Variants in PRKCG observed in about 807,000 individuals in gnomAD.
PRKCG encodes protein kinase C gamma type.
A neutral mutation model predicts 82.0 loss-of-function variants in PRKCG; 28 were observed. The observed-to-expected ratio is 0.34, with a 90% CI of 0.25 to 0.47. The LOEUF is 0.47. Ranked by LOEUF, PRKCG falls within the 20% of genes least tolerant of loss-of-function variation. PRKCG has a pLI of 1.00. For synonymous variants in PRKCG, 383 were observed against 376.6 expected (o/e 1.02, Z -0.20); for missense variants, 640 against 952.7 (o/e 0.67, Z 4.32).
chr19:53,907,004 C>T lies in PRKCG; in HGVS notation c.*109C>T. On this transcript the variant is annotated 3_prime_UTR_variant, in exon 18 of 18. Coordinates refer to ENST00000263431, the MANE Select transcript of PRKCG (RefSeq NM_002739.5). ...CCTGTCCCATTCTAGATCCTGCACC[C>T]CAGCATTCCAGCTCTGCCCCCGCGG... 1 of 1,557,176 alleles carries T rather than the reference C, an allele frequency of 6.4e-7. No individual in the cohort carries two copies.
In PRKCG at chr19:53,882,353, C is replaced by A; in HGVS notation, c.-142C>A. On this transcript the variant is annotated 5_prime_UTR_variant, in exon 1 of 18. Transcript: ENST00000263431. This position sits in a 1 kb window ranked among gnomAD's most constrained non-coding sequence, Gnocchi z 6.1. The stretch of plus-strand genomic sequence containing the variant: ...CGCTCCCTGCCTGGCGCGCTCCGCA[C>A]CTGGAGGTGCCTTGCCCCTCTCCTG... The A allele has an allele frequency of 1.6e-6, 2 of 1,270,680 alleles. No individual in the cohort carries two copies. The highest frequency in any genetic ancestry group is 2.2e-6 in the Non-Finnish European group (2 of 913,824). The allele number at this position is 1,270,680 out of a possible 1,614,324, so 78.7% of individuals were successfully genotyped here. A position where few individuals can be genotyped will look rare whatever the true frequency, so the allele number is the denominator to read the frequency against.
intron 11 of PRKCG, among the ~76,000 whole-genome samples, chr19:53,899,647 C>T (rs111644065): frequency 0.015 from 2,214 of 151,618 alleles, 61 homozygotes; most frequent in African/African-American, 0.05. Flanking sequence ...AGTGCAATGG[C>T]GCGATCTCGG....
chr19:53,886,087 T>G (rs1313850874), intron 3 of PRKCG, among the ~76,000 whole-genome samples: 1 of 150,166 alleles, frequency 6.7e-6, no homozygotes, highest in Admixed American at 6.7e-5. Context: ...GATTTTTTTT[T>G]GTTTTTGTTG....
chr19:53,888,509 C>G (rs1191490800), intron 3 of PRKCG, among the ~76,000 whole-genome samples: 1 of 152,074 alleles, frequency 6.6e-6, no homozygotes, highest in East Asian at 1.9e-4. Context: ...GATGCTGAGG[C>G]TCAAAACTGG....
At position 53,898,520 on chromosome 19, in the gene PRKCG, C is replaced by A; in HGVS notation, c.1173C>A (p.Asp391Glu). The A allele has an allele frequency of 6.2e-7, 1 of 1,613,870 alleles. No individual in the cohort carries two copies. The highest frequency in any genetic ancestry group is 8.5e-7 in the Non-Finnish European group (1 of 1,180,018). Residue 391 changes from aspartate (D) to glutamate (E), a missense_variant, in exon 11 of 18, where the codon GAC becomes GAA. Asp to Glu is a conservative substitution (Grantham distance 45). This residue lies in a region of PRKCG where 22 missense variants were observed against 59.0 expected (regional missense o/e 0.37). Coordinates refer to ENST00000263431, the MANE Select transcript of PRKCG (RefSeq NM_002739.5). The part of the protein sequence containing the change: ...ILKKDVIVQD[D>E]DVDCTLVEKR... Reference sequence around the variant, plus strand: ...AAAAGGACGTGATCGTCCAGGACGACGATGTGGACTGCACGCTGGTGGAGA... The same window carrying A: ...AAAAGGACGTGATCGTCCAGGACGAAGATGTGGACTGCACGCTGGTGGAGA...
intron 8 of PRKCG, 70 bp from the exon 9 acceptor site, chr19:53,893,292 C>T (rs972792668): frequency 1.3e-6 from 2 of 1,505,078 alleles, no homozygotes; most frequent in Non-Finnish European, 9.2e-7. Context: ...TACTAGGGGC[C>T]ACCAGCCCCT....
At position 53,889,171 on chromosome 19, in the gene PRKCG, C is replaced by T. The variant is rs899479554; in HGVS notation, c.286-467C>T. Among the ~76,000 whole-genome samples, 2 of 151,982 alleles carry T rather than the reference C, an allele frequency of 1.3e-5. No individual in the cohort carries two copies. Among genetic ancestry groups the T allele is most frequent in the Non-Finnish European group, 2.9e-5 (2 of 68,000 alleles). On this transcript the variant is annotated intron_variant, in intron 3 of 17. Transcript: ENST00000263431. This position sits in a 1 kb window ranked among gnomAD's most constrained non-coding sequence, Gnocchi z 4.4. ...TTTTGCCATGTTGCCTAGCCTGGTC[C>T]GGAACTCCTGAGCTCAAGGCAATCC...
chr19:53,902,132 G>T (rs547125163), intron 14 of PRKCG, among the ~76,000 whole-genome samples: 1 of 152,060 alleles, frequency 6.6e-6, no homozygotes, highest in African/African-American at 2.4e-5. Flanking sequence ...TGAAAACTGA[G>T]GCCAGACATG....
chr19:53,904,040 C>T (rs1049198880), intron 15 of PRKCG, among the ~76,000 whole-genome samples: 4 of 152,006 alleles, frequency 2.6e-5, no homozygotes, highest in Non-Finnish European at 4.4e-5. Context: ...ATAATGAAGC[C>T]ACAAGCACTG....
chr19:53,904,583 G>A (rs963112680), intron 15 of PRKCG, 52 bp from the exon 16 acceptor site: 1 of 1,534,204 alleles, frequency 6.5e-7, no homozygotes, highest in Non-Finnish European at 8.9e-7. Context: ...GGAAGGTTTG[G>A]GGAAAGGCAG....
rs752281737 is a variant in PRKCG at position 53,889,995 on chromosome 19, A to G, written c.507A>G (p.Thr169=). The stretch of plus-strand genomic sequence containing the variant: ...TGCAGCTGGAGATCCGGGCTCCCAC[A>G]GCAGATGAGATCCACGTAACTGGTG... ...GRLQLEIRAP[T]ADEIHVTVGE... The change falls in exon 5 of 18, where the codon ACA becomes ACG. Residue 169 remains threonine, a synonymous_variant. Transcript: ENST00000263431. The surrounding 1 kb of genome is among the most constrained non-coding windows in gnomAD (Gnocchi z 4.4). The G allele has an allele frequency of 1.9e-5, 30 of 1,567,750 alleles. No homozygotes were observed. In the East Asian group the frequency reaches 5.7e-4, roughly 30 times the overall value.
Position 53,900,814 on chromosome 19 carries a change from A to G in PRKCG, c.1575+65A>G. ...CCTTAGAGGGTGTAGCTGATGGTCC[A>G]GTATTCACCACGGGTGAGGCCTGAC... is the stretch of plus-strand genomic sequence containing the variant. On this transcript the variant is annotated intron_variant, in intron 14 of 17. Coordinates refer to ENST00000263431, the MANE Select transcript of PRKCG (RefSeq NM_002739.5). The surrounding 1 kb of genome is among the most constrained non-coding windows in gnomAD (Gnocchi z 4.2). The G allele has an allele frequency of 3.1e-6, 5 of 1,610,360 alleles. No homozygotes were observed. The highest frequency in any genetic ancestry group is 4.2e-6 in the Non-Finnish European group (5 of 1,178,450).
intron 3 of PRKCG, among the ~76,000 whole-genome samples, chr19:53,886,572 T>TA (rs969578755): frequency 6.6e-5 from 10 of 151,198 alleles, no homozygotes; most frequent in South Asian, 2.1e-4. Flanking sequence ...CCTAGCTAAT[T>TA]AAAAAAAAAT....
chr19:53,892,856 T>C lies in PRKCG; in HGVS notation c.822-132T>C. ...CTCCCTTTCTCCCTCTCCCTCTCTT[T>C]TTATCTCACTCTTTCTCTCTTCCAT... On this transcript the variant is annotated intron_variant, in intron 7 of 17. Coordinates refer to ENST00000263431, the MANE Select transcript of PRKCG (RefSeq NM_002739.5). The surrounding 1 kb of genome is among the most constrained non-coding windows in gnomAD (Gnocchi z 5.9). 9.3e-7 allele frequency: 1 copy of C among 1,081,026 alleles called. No individual in the cohort carries two copies. The highest frequency in any genetic ancestry group is 2.6e-5 in the East Asian group (1 of 38,950). The allele number at this position is 1,081,026 out of a possible 1,614,324, so 67.0% of individuals were successfully genotyped here. A position where few individuals can be genotyped will look rare whatever the true frequency, so the allele number is the denominator to read the frequency against.
At chr19:53,897,368 A>G (rs969473665) in intron 9 of PRKCG, among the ~76,000 whole-genome samples, 12 of 152,108 alleles carry the variant, frequency 7.9e-5, no homozygotes, top group Non-Finnish European at 1.6e-4. Context: ...GAGGCAGGAA[A>G]AGGTAGAGAA....
rs933523628 is a variant in PRKCG, at chr19:53,900,931, G to A, written c.1575+182G>A. On this transcript the variant is annotated intron_variant, in intron 14 of 17. Transcript: ENST00000263431. The surrounding 1 kb of genome is among the most constrained non-coding windows in gnomAD (Gnocchi z 4.2). The stretch of plus-strand genomic sequence containing the variant: ...GTGAGCTTGGCACTGAGCCTGCCAG[G>A]TGGGCCCAGCTGGGTCTCTAAATAG... Among the ~76,000 whole-genome samples, 8 of 152,232 alleles carry A rather than the reference G, an allele frequency of 5.3e-5. No individual in the cohort carries two copies. Among genetic ancestry groups the A allele is most frequent in the African/African-American group, 1.9e-4 (8 of 41,470 alleles).
rs764043533 is a variant in PRKCG at position 53,906,310 on chromosome 19, C to A, written c.1765-7C>A. Reference sequence around the variant, plus strand: ...TGTCTGTCTGTCTCTCTCTGTGTTTCCCACAGTTCCTGACCAAGCACCCAG... The same window carrying A: ...TGTCTGTCTGTCTCTCTCTGTGTTTACCACAGTTCCTGACCAAGCACCCAG... On this transcript the variant is annotated splice_region_variant and splice_polypyrimidine_tract_variant and intron_variant, in intron 16 of 17. Coordinates refer to ENST00000263431, the MANE Select transcript of PRKCG (RefSeq NM_002739.5). 4 of 1,551,262 alleles carry A rather than the reference C, an allele frequency of 2.6e-6. No homozygotes were observed. In the Admixed American group the frequency reaches 7.8e-5, roughly 30 times the overall value.
intron 9 of PRKCG, among the ~76,000 whole-genome samples, chr19:53,895,826 A>G (rs1358557736): frequency 6.6e-6 from 1 of 151,992 alleles, no homozygotes; most frequent in Non-Finnish European, 1.5e-5. Flanking sequence ...TTGGGAGGCC[A>G]AGGCGGGTGG....
At position 53,883,843 on chromosome 19, in the gene PRKCG, C is replaced by T. The variant is rs1033367331; in HGVS notation, c.203-318C>T. 6.6e-6 allele frequency among the ~76,000 whole-genome samples: 1 copy of T among 152,184 alleles called. No homozygotes were observed. The highest frequency in any genetic ancestry group is 1.5e-5 in the Non-Finnish European group (1 of 68,032). ...GGCTTTCTGATCTCCGTCCGTGGGC[C>T]TGTGTCTGTTTGTCAATGGGATCCT... is the stretch of plus-strand genomic sequence containing the variant. On this transcript the variant is annotated intron_variant, in intron 2 of 17. Coordinates refer to ENST00000263431, the MANE Select transcript of PRKCG (RefSeq NM_002739.5). The surrounding 1 kb of genome is among the most constrained non-coding windows in gnomAD (Gnocchi z 5.4).
Sources: allele counts gnomAD v4.1 joint callset (sites outside exome capture counted in the v4.1 genomes callset), GRCh38; gene constraint gnomAD v4.1.1; regional missense constraint gnomAD v4.1.1; non-coding constraint Gnocchi (gnomAD v3.1); transcripts MANE v1.5; gene names NCBI Gene and HGNC (gene_info 2026-07-23, HGNC 2026-07-21).